Variants in FGF14 observed in about 807,000 individuals in gnomAD.
The protein encoded by FGF14 is fibroblast growth factor 14, also known as fibroblast growth factor homologous factor 4.
In FGF14, 5 loss-of-function variants were observed where a neutral mutation model predicts 25.5. The ratio of observed to expected loss-of-function variants is 0.20; its 90% confidence interval spans 0.10 to 0.41. The LOEUF is 0.41. Among genes scored for constraint, FGF14 ranks in the 10% least tolerant of loss-of-function variants. FGF14 has a pLI of 1.00. For missense variants in FGF14, 222 were observed against 320.1 expected (o/e 0.69, Z 2.34); for synonymous variants, 138 against 118.3 (o/e 1.17, Z -1.08).
At chr13:101,804,431 G>GACACTCCT (rs2041082063) in intron 3 of FGF14, among the ~76,000 whole-genome samples, 1 of 152,154 alleles carries the variant, frequency 6.6e-6, no homozygotes, top group African/African-American at 2.4e-5. Context: ...AAAACTCACA[G>GACACTCCT]ACACTCCTAC....
At position 101,768,962 on chromosome 13, in the gene FGF14, A is replaced by AAT. The variant is rs2038582370; in HGVS notation, c.409-42153_409-42152insAT. ...ATGATTCAGGGAAGAAATAATTAAT[A>AAT]AACTGGACTTCACTAAAATTAAAAA... On this transcript the variant is annotated intron_variant, in intron 3 of 4. Transcript: ENST00000376143. 3.3e-5 allele frequency among the ~76,000 whole-genome samples: 5 copies of AAT among 152,318 alleles called. No individual in the cohort carries two copies. The South Asian group carries it at 1.0e-3, about 32-fold the overall frequency.
rs559555869 is a variant in FGF14 at position 102,236,544 on chromosome 13, C to T, written c.208+164927G>A. Among the ~76,000 whole-genome samples, 31 of 152,184 alleles carry T rather than the reference C, an allele frequency of 2.0e-4. No homozygotes were observed. In the South Asian group the frequency reaches 3.9e-3, roughly 19 times the overall value. ...ACAAATAGAACGAGGTGCACTGTCCCGGGAAGCCAAACAGTACAAGTGAGT... is the reference window on the plus strand; with the variant it reads ...ACAAATAGAACGAGGTGCACTGTCCTGGGAAGCCAAACAGTACAAGTGAGT... On this transcript the variant is annotated intron_variant, in intron 1 of 4. Coordinates refer to the FGF14 transcript ENST00000376131.
intron 1 of FGF14, among the ~76,000 whole-genome samples, chr13:101,974,331 G>A (rs901656574): frequency 1.1e-4 from 16 of 152,136 alleles, no homozygotes; most frequent in African/African-American, 3.6e-4. Flanking sequence ...TAAGTAAAAC[G>A]TTCAAGGTCA....
chr13:102,367,650 G>C (rs1056635046), intron 1 of FGF14: 2 of 152,162 alleles, frequency 1.3e-5, no homozygotes, highest in African/African-American at 4.8e-5. Context: ...GGGTAAGATG[G>C]AGTAGAGGGC....
At chr13:102,350,380 A>G (rs900733324) in intron 1 of FGF14, among the ~76,000 whole-genome samples, 5 of 151,730 alleles carry the variant, frequency 3.3e-5, no homozygotes, top group African/African-American at 1.2e-4. Context: ...TTTAATTAAA[A>G]AAAAAAAAAA....
At chr13:102,369,450 CT>C in intron 1 of FGF14, among the ~76,000 whole-genome samples, 1 of 152,310 alleles carries the variant, frequency 6.6e-6, no homozygotes, top group East Asian at 1.9e-4. Context: ...GACAGACCAG[CT>C]TTGCCTCCTG....
intron 1 of FGF14, among the ~76,000 whole-genome samples, chr13:102,217,743 A>G (rs1238581002): frequency 6.6e-6 from 1 of 152,206 alleles, no homozygotes; most frequent in East Asian, 1.9e-4. Flanking sequence ...AGGCAGAGCA[A>G]CATGCAACCA....
chr13:102,097,367 C>T (rs1001024602), intron 1 of FGF14, among the ~76,000 whole-genome samples: 10 of 152,148 alleles, frequency 6.6e-5, no homozygotes, highest in African/African-American at 2.4e-4. Context: ...AATATACTAT[C>T]CCTTGGTGAA....
intron 1 of FGF14, among the ~76,000 whole-genome samples, chr13:101,972,604 C>T (rs567839342): frequency 6.6e-6 from 1 of 152,196 alleles, no homozygotes; most frequent in Non-Finnish European, 1.5e-5. Flanking sequence ...AGAAGACTCT[C>T]CTTTCACCCT....
intron 1 of FGF14, among the ~76,000 whole-genome samples, chr13:102,313,599 T>C (rs1432237503): frequency 6.6e-6 from 1 of 151,984 alleles, no homozygotes; most frequent in East Asian, 1.9e-4. Flanking sequence ...TTTTAAGGCG[T>C]TGGGCAGGGG....
At chr13:102,388,730 G>A (rs193108093) in intron 1 of FGF14, among the ~76,000 whole-genome samples, 33 of 152,170 alleles carry the variant, frequency 2.2e-4, no homozygotes, top group Admixed American at 1.8e-3. Context: ...TGCTTTCTTA[G>A]TACAAAAATC....
At chr13:101,751,486 G>C (rs1240277898) in intron 3 of FGF14, among the ~76,000 whole-genome samples, 1 of 152,164 alleles carries the variant, frequency 6.6e-6, no homozygotes, top group Admixed American at 6.5e-5. Flanking sequence ...GTCTTAATAA[G>C]TTCCACAGTA....
At chr13:102,236,403 A>T (rs1385783719) in intron 1 of FGF14, among the ~76,000 whole-genome samples, 1 of 152,148 alleles carries the variant, frequency 6.6e-6, no homozygotes, top group Non-Finnish European at 1.5e-5. Flanking sequence ...ACTCAGGAAG[A>T]CTTTTGCTTG....
In FGF14 at chr13:101,775,489, A is replaced by T. The variant is rs574450374; in HGVS notation, c.409-48679T>A. ...ATCAACTCTTCCATAAGGAGAAAACACACTCTTGTGAAGAGCCGAGAATTT... is the reference window on the plus strand; with the variant it reads ...ATCAACTCTTCCATAAGGAGAAAACTCACTCTTGTGAAGAGCCGAGAATTT... On this transcript the variant is annotated intron_variant, in intron 3 of 4. Transcript: ENST00000376143. Among the ~76,000 whole-genome samples the T allele has an allele frequency of 3.3e-5, 5 of 151,280 alleles. No individual in the cohort carries two copies. In the South Asian group the frequency reaches 1.1e-3, roughly 32 times the overall value.
At chr13:102,399,463 C>T (rs1282068486) in intron 1 of FGF14, among the ~76,000 whole-genome samples, 1 of 152,218 alleles carries the variant, frequency 6.6e-6, no homozygotes, top group African/African-American at 2.4e-5. Context: ...CACCCCTGCC[C>T]TTCCCACTGC....
intron 2 of FGF14, among the ~76,000 whole-genome samples, chr13:101,870,371 T>G (rs2140455501): frequency 6.6e-6 from 1 of 152,226 alleles, no homozygotes. Context: ...ATACACAAAA[T>G]TTTGGAGGGA....
chr13:102,252,165 T>C (rs1162578927), intron 1 of FGF14, among the ~76,000 whole-genome samples: 1 of 152,170 alleles, frequency 6.6e-6, no homozygotes, highest in Non-Finnish European at 1.5e-5. Context: ...ACTTGCGAAA[T>C]GTAGGTTGCA....
chr13:102,088,841 G>T (rs969371053), intron 1 of FGF14, among the ~76,000 whole-genome samples: 1 of 152,084 alleles, frequency 6.6e-6, no homozygotes, highest in Non-Finnish European at 1.5e-5. Context: ...ACAAAGATGA[G>T]TACATTATAC....
chr13:102,099,316 G>A (rs143650575), intron 1 of FGF14, among the ~76,000 whole-genome samples: 269 of 152,268 alleles, frequency 1.8e-3, no homozygotes, highest in African/African-American at 6.4e-3. Flanking sequence ...TGCAAAATGG[G>A]GTATTTACGT....
Sources: allele counts gnomAD v4.1 joint callset (sites outside exome capture counted in the v4.1 genomes callset), GRCh38; gene constraint gnomAD v4.1.1; transcripts MANE v1.5; gene names NCBI Gene and HGNC (gene_info 2026-07-23, HGNC 2026-07-21).